The following NCOR1 variants were observed in gnomAD, a reference collection of about 807,000 sequenced individuals.
The protein encoded by NCOR1 is protein phosphatase 1, regulatory subunit 109.
In NCOR1, 63 loss-of-function variants were observed where a neutral mutation model predicts 288.1. The ratio of observed to expected loss-of-function variants is 0.22; its 90% CI spans 0.18 to 0.27. NCOR1 has a LOEUF of 0.27. Ranked by LOEUF, NCOR1 falls within the 10% of genes least tolerant of loss-of-function variation. The pLI, the probability that NCOR1 is intolerant of heterozygous loss-of-function variation, is 1.00. For synonymous variants in NCOR1, 1,007 were observed against 1,065.9 expected (o/e 0.94, Z 1.08); for missense variants, 2,397 against 3,019.2 (o/e 0.79, Z 4.83).
chr17:16,167,878 A>C (rs1045578458), intron 4 of NCOR1, among the ~76,000 whole-genome samples: 17 of 150,704 alleles, frequency 1.1e-4, no homozygotes, highest in Non-Finnish European at 1.9e-4. Context: ...AAAAAAAAAA[A>C]ACCACACACA....
At position 16,101,621 on chromosome 17, in the gene NCOR1, T is replaced by C. The variant is rs1203423410; in HGVS notation, c.2319A>G (p.Lys773=). 4 of 1,614,130 alleles carry C rather than the reference T, an allele frequency of 2.5e-6. No individual in the cohort carries two copies. The highest frequency in any genetic ancestry group is 2.5e-6 in the Non-Finnish European group (3 of 1,180,014). ...TSPSLAVPST[K]PAEDESVETQ... ...TCTCCACACTTTCATCTTCAGCTGG[T>C]TTTGTACTTGGAACTGCTAAGGAGG... is the stretch of plus-strand genomic sequence containing the variant. Residue 773 remains lysine (K), a synonymous_variant, in exon 20 of 46, where the codon AAA becomes AAG. Transcript: ENST00000268712.
At position 16,072,132 on chromosome 17, in the gene NCOR1, G is replaced by C. The variant is rs937074488; in HGVS notation, c.3895+13C>G. The C allele has an allele frequency of 6.3e-7, 1 of 1,578,254 alleles. No individual in the cohort carries two copies. Among genetic ancestry groups the C allele is most frequent in the Admixed American group, 1.8e-5 (1 of 56,104 alleles). Reference sequence around the variant, plus strand: ...AGTTATAAATAAAAATGCAAAACAAGCAGAAAGTTTACCCTGCATTATGGA... The same window carrying C: ...AGTTATAAATAAAAATGCAAAACAACCAGAAAGTTTACCCTGCATTATGGA... On this transcript the variant is annotated intron_variant, in intron 29 of 45. Transcript: ENST00000268712.
chr17:16,185,440 T>TTA (rs1349520517), intron 3 of NCOR1, among the ~76,000 whole-genome samples: 1 of 151,546 alleles, frequency 6.6e-6, no homozygotes, highest in East Asian at 1.9e-4. Context: ...TCCCAACACT[T>TTA]TGAGAGGCCA....
At chr17:16,138,267 A>AC in intron 12 of NCOR1, 55 bp from the exon 13 acceptor site, 1 of 1,422,876 alleles carries the variant, frequency 7.0e-7, no homozygotes. Flanking sequence ...CAACAACTAA[A>AC]AAAAAAAAAA....
chr17:16,181,547 A>G (rs1452367529), intron 3 of NCOR1, among the ~76,000 whole-genome samples: 2 of 152,192 alleles, frequency 1.3e-5, no homozygotes, highest in East Asian at 3.8e-4. Flanking sequence ...CATGAGGACT[A>G]AAGTTAATAC....
chr17:16,080,249 A>G, intron 25 of NCOR1, 159 bp downstream of exon 25: 1 of 802,966 alleles, frequency 1.2e-6, no homozygotes, highest in Non-Finnish European at 1.9e-6. Context: ...GAAACATGGA[A>G]CTTCAAGGTT....
chr17:16,046,052 A>G (rs1003823037), intron 42 of NCOR1, among the ~76,000 whole-genome samples: 4 of 152,144 alleles, frequency 2.6e-5, no homozygotes, highest in East Asian at 1.9e-4. Context: ...GGCCCAATCA[A>G]TCCTCCCGCC....
chr17:16,058,855 T>G (rs1474286861), intron 37 of NCOR1, among the ~76,000 whole-genome samples: 2 of 151,838 alleles, frequency 1.3e-5, no homozygotes, highest in East Asian at 3.9e-4. Flanking sequence ...GAGACCAGCC[T>G]GACCAACGTG....
chr17:16,085,561 A>G (rs924024902), intron 23 of NCOR1, among the ~76,000 whole-genome samples: 5 of 152,262 alleles, frequency 3.3e-5, no homozygotes, highest in Non-Finnish European at 5.9e-5. Context: ...AAAACCCTGG[A>G]TGAATTCCCT....
chr17:16,084,176 G>C (rs1049149591), intron 23 of NCOR1: 2 of 159,520 alleles, frequency 1.3e-5, no homozygotes, highest in Admixed American at 5.9e-5. Flanking sequence ...AATCTTGGTG[G>C]AGGGGTAGTA....
intron 14 of NCOR1, among the ~76,000 whole-genome samples, chr17:16,129,202 C>G (rs1724321907): frequency 6.6e-6 from 1 of 152,124 alleles, no homozygotes; most frequent in Non-Finnish European, 1.5e-5. Context: ...ATCACAATTG[C>G]CTCCTCATTA....
rs755394382 is a variant in NCOR1 at position 16,101,738 on chromosome 17, G to T, written c.2202C>A (p.Ser734Arg). ...EDSEVEAVKPSEDSPENATSR... is the reference protein window; with the variant it reads ...EDSEVEAVKPREDSPENATSR... ...AAGTAGCATTTTCAGGACTGTCCTC[G>T]CTGGGCTTGACAGCTTCAACTGGTG... Residue 734 changes from serine to arginine, a missense_variant, in exon 20 of 46, where the codon AGC becomes AGA. This residue lies in a region of NCOR1 where 1,872 missense variants were observed against 2,187.8 expected (regional missense o/e 0.86). Transcript: ENST00000268712. 3 of 1,614,014 alleles carry T rather than the reference G, an allele frequency of 1.9e-6. No homozygotes were observed. In the Admixed American group the frequency reaches 5.0e-5, roughly 27 times the overall value.
intron 1 of NCOR1, among the ~76,000 whole-genome samples, chr17:16,209,295 G>C (rs1255450702): frequency 4.0e-5 from 6 of 151,570 alleles, no homozygotes; most frequent in Non-Finnish European, 1.5e-5. Flanking sequence ...AACAAGCATA[G>C]TAACAAGAAA....
In NCOR1 at chr17:16,110,330, T is replaced by C. The variant is rs150203269; in HGVS notation, c.2056-1418A>G. 2.8e-3 allele frequency among the ~76,000 whole-genome samples: 420 copies of C among 151,866 alleles called. 3 individuals carry two copies. Among genetic ancestry groups the C allele is most frequent in the African/African-American group, 9.3e-3 (387 of 41,400 alleles). On this transcript the variant is annotated intron_variant, in intron 18 of 45. Coordinates refer to ENST00000268712, the MANE Select transcript of NCOR1 (RefSeq NM_006311.4). ...GTGATCATGCCACTGCACTCCAGGC[T>C]GGGTGACAGTGAGACTCGTTCAAAA...
At chr17:16,082,677 C>A (rs183681260) in intron 23 of NCOR1, among the ~76,000 whole-genome samples, 3 of 151,554 alleles carry the variant, frequency 2.0e-5, no homozygotes, top group Middle Eastern at 3.4e-3. Context: ...TAAGATCATG[C>A]CACTGCACTC....
chr17:16,047,413 C>T (rs1040382949), intron 41 of NCOR1, among the ~76,000 whole-genome samples: 1 of 152,154 alleles, frequency 6.6e-6, no homozygotes, highest in African/African-American at 2.4e-5. Context: ...ATGATGCTCT[C>T]TCCTTAACAG....
chr17:16,088,224 G>A (rs2064560568), intron 22 of NCOR1, among the ~76,000 whole-genome samples: 2 of 152,038 alleles, frequency 1.3e-5, no homozygotes, highest in Non-Finnish European at 2.9e-5. Flanking sequence ...CATTAGACTT[G>A]TATTAAATTT....
At chr17:16,182,741 A>C (rs2153512176) in intron 3 of NCOR1, among the ~76,000 whole-genome samples, 1 of 152,252 alleles carries the variant, frequency 6.6e-6, no homozygotes, top group Non-Finnish European at 1.5e-5. Context: ...TGTGAGCCAC[A>C]GTGCCCGGCC....
chr17:16,127,806 T>A (rs1283959508), intron 14 of NCOR1, among the ~76,000 whole-genome samples: 2 of 151,660 alleles, frequency 1.3e-5, no homozygotes, highest in East Asian at 3.9e-4. Context: ...GTTTCAAGCA[T>A]CCACTGGGAG....
Sources: allele counts gnomAD v4.1 joint callset (sites outside exome capture counted in the v4.1 genomes callset), GRCh38; gene constraint gnomAD v4.1.1; regional missense constraint gnomAD v4.1.1; transcripts MANE v1.5; gene names NCBI Gene and HGNC (gene_info 2026-07-23, HGNC 2026-07-21).